Variants in FSTL4 observed in about 807,000 individuals in gnomAD.
FSTL4 encodes the protein follistatin like 4, also known as follistatin-related protein 4.
FSTL4 carries 28 observed loss-of-function variants against 78.2 expected under a neutral mutation model. The observed-to-expected ratio is 0.36, with a 90% CI of 0.27 to 0.49. FSTL4 has a LOEUF of 0.49. FSTL4 is among the 20% of genes least tolerant of loss of function. The probability of loss-of-function intolerance (pLI) is 0.98; values close to 1 mark genes in which losing one functional copy is unlikely to be tolerated. For synonymous variants in FSTL4, 422 were observed against 440.5 expected (o/e 0.96, Z 0.53); for missense variants, 922 against 1,084.9 (o/e 0.85, Z 2.11).
intron 6 of FSTL4, among the ~76,000 whole-genome samples, chr5:133,280,165 G>C (rs538605649): frequency 6.6e-6 from 1 of 152,300 alleles, no homozygotes; most frequent in East Asian, 1.9e-4. Context: ...GGTCCTTATT[G>C]CACTCAGGGA....
chr5:133,696,391 C>G, the FSTL4 span, among the ~76,000 whole-genome samples: 2 of 152,366 alleles, frequency 1.3e-5, no homozygotes, highest in East Asian at 3.9e-4. Flanking sequence ...CCTGCAGGTC[C>G]TTGGGGCCCA....
At chr5:133,664,463 G>A in the FSTL4 span, among the ~76,000 whole-genome samples, 1 of 152,138 alleles carries the variant, frequency 6.6e-6, no homozygotes, top group Non-Finnish European at 1.5e-5. Flanking sequence ...CTTCCCCAAG[G>A]GAGGCTGGCA....
At chr5:133,517,297 C>T (rs1056007660) in intron 3 of FSTL4, among the ~76,000 whole-genome samples, 14 of 148,672 alleles carry the variant, frequency 9.4e-5, no homozygotes, top group African/African-American at 2.5e-4. Flanking sequence ...GTGGCAGGTG[C>T]CTATATTCCC....
At chr5:133,331,527 G>A (rs775880068) in intron 4 of FSTL4, among the ~76,000 whole-genome samples, 4 of 152,162 alleles carry the variant, frequency 2.6e-5, no homozygotes, top group Non-Finnish European at 5.9e-5. Flanking sequence ...TAGAAGAAAA[G>A]GTGTTACAGG....
chr5:133,344,081 C>T (rs1238007899), intron 4 of FSTL4, among the ~76,000 whole-genome samples: 1 of 152,110 alleles, frequency 6.6e-6, no homozygotes, highest in African/African-American at 2.4e-5. Flanking sequence ...GTAAAAGGCA[C>T]AGAACAGAAA....
chr5:133,823,085 G>A, the FSTL4 span, among the ~76,000 whole-genome samples: 1 of 152,150 alleles, frequency 6.6e-6, no homozygotes, highest in East Asian at 1.9e-4. Flanking sequence ...AGGTGATCAA[G>A]TGCCATAGCG....
chr5:133,800,432 G>A, the FSTL4 span, among the ~76,000 whole-genome samples: 1 of 138,710 alleles, frequency 7.2e-6, no homozygotes, highest in East Asian at 2.0e-4. Context: ...GATAGCTGAT[G>A]AGCTTTAAAA....
intron 6 of FSTL4, among the ~76,000 whole-genome samples, chr5:133,270,594 T>C (rs1752747088): frequency 6.6e-6 from 1 of 152,228 alleles, no homozygotes; most frequent in South Asian, 2.1e-4. Flanking sequence ...TCCTGATTGC[T>C]TCTCTCCTTG....
intron 6 of FSTL4, among the ~76,000 whole-genome samples, chr5:133,267,221 T>C (rs1438830574): frequency 6.6e-6 from 1 of 150,672 alleles, no homozygotes; most frequent in African/African-American, 2.4e-5. Context: ...TGGTAGGGGG[T>C]GGTGAGGAGG....
chr5:133,612,990 C>T (rs923193685), upstream of FSTL4, among the ~76,000 whole-genome samples: 2 of 152,228 alleles, frequency 1.3e-5, no homozygotes, highest in South Asian at 2.1e-4. This position sits in a 1 kb window ranked among gnomAD's most constrained non-coding sequence, Gnocchi z 6.2. Context: ...ACCTGGGAAA[C>T]AGCAAAGGTT....
chr5:133,398,833 T>A (rs1057515235), intron 4 of FSTL4, among the ~76,000 whole-genome samples: 2 of 151,972 alleles, frequency 1.3e-5, no homozygotes, highest in Non-Finnish European at 2.9e-5. Flanking sequence ...CAGGCACCAC[T>A]CTCCACCAAA....
chr5:133,704,249 T>C, the FSTL4 span, among the ~76,000 whole-genome samples: 2 of 152,340 alleles, frequency 1.3e-5, no homozygotes, highest in East Asian at 1.9e-4. Flanking sequence ...CACTTTAGTA[T>C]TTGATTATTT....
intron 3 of FSTL4, among the ~76,000 whole-genome samples, chr5:133,424,776 C>T (rs540793115): frequency 4.6e-5 from 7 of 152,304 alleles, no homozygotes; most frequent in African/African-American, 1.7e-4. Flanking sequence ...TGGAGTCTAA[C>T]GATCTTGAGA....
intron 3 of FSTL4, among the ~76,000 whole-genome samples, chr5:133,547,802 A>G (rs535105036): frequency 6.6e-6 from 1 of 152,200 alleles, no homozygotes; most frequent in Admixed American, 6.5e-5. Context: ...CCCAAAATAA[A>G]CCTCTTTTTT....
At chr5:133,521,301 G>A (rs992793556) in intron 3 of FSTL4, among the ~76,000 whole-genome samples, 12 of 152,206 alleles carry the variant, frequency 7.9e-5, no homozygotes, top group African/African-American at 2.9e-4. Context: ...CAGTCGGGCA[G>A]GCTGTCACTT....
the FSTL4 span, among the ~76,000 whole-genome samples, chr5:133,794,092 T>A: frequency 1.3e-5 from 2 of 152,266 alleles, no homozygotes; most frequent in Middle Eastern, 3.4e-3. Flanking sequence ...CCCTTGAACA[T>A]GGGGCTGCAC....
intron 3 of FSTL4, among the ~76,000 whole-genome samples, chr5:133,556,717 TC>T (rs1759795439): frequency 6.6e-6 from 1 of 151,972 alleles, no homozygotes; most frequent in Non-Finnish European, 1.5e-5. Flanking sequence ...GTGAGGTCCA[TC>T]CCCCATCCTG....
the FSTL4 span, among the ~76,000 whole-genome samples, chr5:133,732,827 G>A: frequency 3.3e-5 from 5 of 152,184 alleles, no homozygotes; most frequent in Non-Finnish European, 7.4e-5. Context: ...GGCTACCCCT[G>A]ATGAAGGGGC....
the FSTL4 span, among the ~76,000 whole-genome samples, chr5:133,655,999 G>A: frequency 3.9e-5 from 6 of 152,142 alleles, no homozygotes; most frequent in Non-Finnish European, 8.8e-5. Flanking sequence ...CCCAGAGCCC[G>A]CCCTCCAGGT....
Sources: allele counts gnomAD v4.1 joint callset (sites outside exome capture counted in the v4.1 genomes callset), GRCh38; gene constraint gnomAD v4.1.1; non-coding constraint Gnocchi (gnomAD v3.1); transcripts MANE v1.5; gene names NCBI Gene and HGNC (gene_info 2026-07-23, HGNC 2026-07-21).